LRP12: variants seen among roughly 807,000 people sequenced by gnomAD.
The protein encoded by LRP12 is LDL receptor related protein 12, also known as low-density lipoprotein receptor-related protein 12.
Under a neutral mutation model 66.0 loss-of-function variants are expected in LRP12, and 14 were observed. The ratio of observed to expected loss-of-function variants is 0.21; its 90% confidence interval spans 0.14 to 0.33. The LOEUF (loss-of-function observed/expected upper bound fraction) is 0.33. LRP12 is among the 10% of genes least tolerant of loss of function. The pLI is 1.00. For missense variants in LRP12, 889 were observed against 1,053.4 expected (o/e 0.84, Z 2.16); for synonymous variants, 357 against 359.1 (o/e 0.99, Z 0.07).
chr8:104,555,402 C>T (rs377406069), intron 1 of LRP12, among the ~76,000 whole-genome samples: 1 of 152,256 alleles, frequency 6.6e-6, no homozygotes, highest in Non-Finnish European at 1.5e-5. Flanking sequence ...TCGCCAACCA[C>T]GTATCTGCTG....
At chr8:104,548,071 T>A (rs1811629466) in intron 1 of LRP12, among the ~76,000 whole-genome samples, 1 of 119,874 alleles carries the variant, frequency 8.3e-6, no homozygotes, top group Non-Finnish European at 1.6e-5. Flanking sequence ...ATATAATATA[T>A]AATTCTGTTA....
At chr8:104,507,333 A>T (rs893497974) in intron 3 of LRP12, 4 of 152,178 alleles carry the variant, frequency 2.6e-5, no homozygotes, top group Non-Finnish European at 5.9e-5. Context: ...CTTTAGCTGT[A>T]GGGCTCACTT....
intron 1 of LRP12, among the ~76,000 whole-genome samples, chr8:104,584,881 A>G (rs1309321784): frequency 6.6e-6 from 1 of 152,208 alleles, no homozygotes; most frequent in Non-Finnish European, 1.5e-5. Flanking sequence ...CAACCTTTCT[A>G]AAATTGGAAT....
rs1810597907 is a variant in LRP12, at chr8:104,490,416, T to G, written c.*257A>C. On this transcript the variant is annotated 3_prime_UTR_variant, in exon 7 of 7. Coordinates refer to ENST00000276654, the MANE Select transcript of LRP12 (RefSeq NM_013437.5). ...TCTACAGTGAACTACAGTATCAGGA[T>G]GAAAACAATCAGAAACAAATGAAAG... 5.2e-6 allele frequency: 2 copies of G among 386,520 alleles called. No homozygotes were observed. The highest frequency in any genetic ancestry group is 9.3e-6 in the Non-Finnish European group (2 of 216,090). The allele number at this position is 386,520 out of a possible 1,614,324, so 23.9% of individuals were successfully genotyped here. A position where few individuals can be genotyped will look rare whatever the true frequency, so the allele number is the denominator to read the frequency against.
chr8:104,587,196 T>C (rs1812347194), intron 1 of LRP12, among the ~76,000 whole-genome samples: 1 of 152,192 alleles, frequency 6.6e-6, no homozygotes, highest in Admixed American at 6.5e-5. Flanking sequence ...AGAAATTCAA[T>C]GCTTATTATA....
At chr8:104,562,126 T>C (rs1296152753) in intron 1 of LRP12, among the ~76,000 whole-genome samples, 2 of 152,188 alleles carry the variant, frequency 1.3e-5, no homozygotes, top group Non-Finnish European at 1.5e-5. Context: ...AAGAAAATTA[T>C]TTTAATTCCA....
At chr8:104,572,939 C>T (rs1306620986) in intron 1 of LRP12, among the ~76,000 whole-genome samples, 1 of 152,194 alleles carries the variant, frequency 6.6e-6, no homozygotes, top group East Asian at 1.9e-4. Flanking sequence ...ATCATGTATT[C>T]TAATTCTCTC....
chr8:104,496,414 C>T (rs1251377373), intron 5 of LRP12, among the ~76,000 whole-genome samples: 1 of 152,158 alleles, frequency 6.6e-6, no homozygotes, highest in Non-Finnish European at 1.5e-5. Flanking sequence ...TCTACTCATA[C>T]ATTTCAAGTG....
chr8:104,527,673 G>A (rs1195783522), intron 2 of LRP12, among the ~76,000 whole-genome samples: 2 of 151,888 alleles, frequency 1.3e-5, no homozygotes, highest in Non-Finnish European at 2.9e-5. Context: ...CACACTCTGG[G>A]GACTGTTGTG....
At chr8:104,583,325 T>C (rs1260393766) in intron 1 of LRP12, among the ~76,000 whole-genome samples, 1 of 152,218 alleles carries the variant, frequency 6.6e-6, no homozygotes, top group Non-Finnish European at 1.5e-5. Context: ...ATGTTCCAGT[T>C]ACAGTGTTTT....
intron 1 of LRP12, among the ~76,000 whole-genome samples, chr8:104,543,945 C>T (rs573980066): frequency 6.6e-6 from 1 of 151,970 alleles, no homozygotes; most frequent in Non-Finnish European, 1.5e-5. Flanking sequence ...ACAACAACAA[C>T]AAAAATGAAG....
rs187472082 is a variant in LRP12, at chr8:104,521,132, T to C, written c.136+10775A>G. Among the ~76,000 whole-genome samples the C allele has an allele frequency of 6.0e-3, 913 of 152,090 alleles. 9 individuals carry two copies. Among genetic ancestry groups the C allele is most frequent in the Admixed American group, 0.012 (189 of 15,250 alleles). ...CTTGGGACCAGAAGTATTTTGATTT[T>C]TTTTTCTTCAAATTCTGGAATATGT... is the stretch of plus-strand genomic sequence containing the variant. On this transcript the variant is annotated intron_variant, in intron 2 of 6. Transcript: ENST00000276654.
intron 1 of LRP12, among the ~76,000 whole-genome samples, chr8:104,569,403 C>G (rs1409261239): frequency 6.6e-6 from 1 of 152,010 alleles, no homozygotes; most frequent in Non-Finnish European, 1.5e-5. Flanking sequence ...CTTTTAAAAG[C>G]TGAAGTTCAT....
chr8:104,580,459 G>A (rs543505353), intron 1 of LRP12, among the ~76,000 whole-genome samples: 2 of 151,988 alleles, frequency 1.3e-5, no homozygotes, highest in South Asian at 4.2e-4. Context: ...GAACCCGCGA[G>A]GCGGGGCTTG....
At position 104,548,271 on chromosome 8, in the gene LRP12, A is replaced by C. The variant is rs1355658376; in HGVS notation, c.80-16308T>G. Among the ~76,000 whole-genome samples the C allele has an allele frequency of 3.2e-4, 30 of 94,658 alleles. 5 individuals are homozygous for C. The highest frequency in any genetic ancestry group is 1.5e-3 in the African/African-American group (30 of 20,564). 62.1% of individuals were successfully genotyped at this position (94,658 alleles called of 152,430 possible). ...TATATATTATATTAATATATGATATATATTATATTAATATATCATATATTT... is the reference window on the plus strand; with the variant it reads ...TATATATTATATTAATATATGATATCTATTATATTAATATATCATATATTT... On this transcript the variant is annotated intron_variant, in intron 1 of 6. Coordinates refer to ENST00000276654, the MANE Select transcript of LRP12 (RefSeq NM_013437.5).
intron 2 of LRP12, among the ~76,000 whole-genome samples, chr8:104,517,160 C>A (rs1811081753): frequency 6.7e-6 from 1 of 149,614 alleles, no homozygotes; most frequent in Non-Finnish European, 1.5e-5. Context: ...TTAACTGAAT[C>A]CAAGAAGCAT....
Position 104,589,149 on chromosome 8 carries a change from C to G in LRP12, c.-252G>C, listed in dbSNP as rs1283125809. The G allele has an allele frequency of 6.1e-6, 1 of 164,974 alleles. No individual in the cohort carries two copies. The highest frequency in any genetic ancestry group is 6.6e-5 in the Admixed American group (1 of 15,180). 10.2% of individuals were successfully genotyped at this position (164,974 alleles called of 1,614,324 possible). ...GAGAGCCCCACGCGGGGCGGCCCTC[C>G]TGGGGGCAAGGGCAAGGAGCTCGCG... On this transcript the variant is annotated 5_prime_UTR_variant, in exon 1 of 7. Coordinates refer to ENST00000276654, the MANE Select transcript of LRP12 (RefSeq NM_013437.5).
Position 104,511,152 on chromosome 8 carries a change from T to C in LRP12, c.137-2078A>G, listed in dbSNP as rs111961251. ...TCTGCCTCCCAGGTTCAAGCAATTC[T>C]CCTGCCTCAGCCTCCCGAGTAAGTA... On this transcript the variant is annotated intron_variant, in intron 2 of 6. Transcript: ENST00000276654. Among the ~76,000 whole-genome samples the C allele has an allele frequency of 5.0e-3, 713 of 143,896 alleles. 8 individuals carry two copies. The highest frequency in any genetic ancestry group is 0.017 in the African/African-American group (681 of 39,378). The allele number at this position is 143,896 out of a possible 152,430, so 94.4% of individuals were successfully genotyped here.
Position 104,497,127 on chromosome 8 carries a change from G to A in LRP12, c.1425C>T (p.Asp475=). 1 of 1,613,190 alleles carries A rather than the reference G, an allele frequency of 6.2e-7. No individual in the cohort carries two copies. Among genetic ancestry groups the A allele is most frequent in the South Asian group, 1.1e-5 (1 of 90,922 alleles). Reference sequence around the variant, plus strand: ...TTTCTTCATCGCTGCCATCACCACAGTCATCTTGAGAATCACACACCCAAC... The same window carrying A: ...TTTCTTCATCGCTGCCATCACCACAATCATCTTGAGAATCACACACCCAAC... ...FESWVCDSQD[D]CGDGSDEENC... The change falls in exon 5 of 7, where the codon GAC becomes GAT. Residue 475 remains aspartate, a synonymous_variant. Coordinates refer to ENST00000276654, the MANE Select transcript of LRP12 (RefSeq NM_013437.5). The surrounding 1 kb of genome is among the most constrained non-coding windows in gnomAD (Gnocchi z 4.3).
Sources: allele counts gnomAD v4.1 joint callset (sites outside exome capture counted in the v4.1 genomes callset), GRCh38; gene constraint gnomAD v4.1.1; non-coding constraint Gnocchi (gnomAD v3.1); transcripts MANE v1.5; gene names NCBI Gene and HGNC (gene_info 2026-07-23, HGNC 2026-07-21).